PDE8B: variants seen among roughly 807,000 people sequenced by gnomAD.
PDE8B encodes high affinity cAMP-specific and IBMX-insensitive 3',5'-cyclic phosphodiesterase 8B.
Under a neutral mutation model 101.3 loss-of-function variants are expected in PDE8B, and 26 were observed. That is an observed-to-expected ratio of 0.26 (90% CI 0.19 to 0.36). The LOEUF is 0.36. Ranked by LOEUF, PDE8B falls within the 10% of genes least tolerant of loss-of-function variation. The pLI is 1.00. For missense variants in PDE8B, 810 were observed against 1,163.1 expected, an observed-to-expected ratio of 0.70 and a Z score of 4.42; for synonymous variants, 424 against 429.3, an observed-to-expected ratio of 0.99 and a Z score of 0.15.
In PDE8B at chr5:77,426,704, A is replaced by T; in HGVS notation, c.*150A>T. 3.0e-6 allele frequency: 2 copies of T among 671,144 alleles called. No individual in the cohort carries two copies. Among genetic ancestry groups the T allele is most frequent in the South Asian group, 3.3e-5 (2 of 60,280 alleles). 41.6% of individuals were successfully genotyped at this position (671,144 alleles called of 1,614,324 possible). A position where few individuals can be genotyped will look rare whatever the true frequency, so the allele number is the denominator to read the frequency against. On this transcript the variant is annotated 3_prime_UTR_variant, in exon 22 of 22. Transcript: ENST00000264917. ...TGACCTTGAATCATTCAAGTCCCCA[A>T]ATTTCATTCTTAGAAAGTTATGTTC...
chr5:77,379,476 C>G (rs763194985), intron 10 of PDE8B, among the ~76,000 whole-genome samples: 2 of 152,132 alleles, frequency 1.3e-5, no homozygotes, highest in Non-Finnish European at 2.9e-5. Context: ...GTCTGTTAGA[C>G]TCATAAAATG....
intron 6 of PDE8B, among the ~76,000 whole-genome samples, chr5:77,343,559 T>C (rs188565210): frequency 6.6e-6 from 1 of 152,306 alleles, no homozygotes; most frequent in East Asian, 1.9e-4. Flanking sequence ...CTTGCAGGAC[T>C]GGGAGTTGCT....
chr5:77,168,626 T>C, the PDE8B span, among the ~76,000 whole-genome samples: 1 of 152,230 alleles, frequency 6.6e-6, no homozygotes, highest in African/African-American at 2.4e-5. Context: ...CCTTTAGGGA[T>C]GTGCCTGTGA....
At chr5:77,296,645 C>T (rs967534451) in intron 1 of PDE8B, among the ~76,000 whole-genome samples, 4 of 152,098 alleles carry the variant, frequency 2.6e-5, no homozygotes, top group Non-Finnish European at 4.4e-5. Context: ...AATTTTTAAA[C>T]GTGTTGAATT....
At chr5:77,188,279 T>C in the PDE8B span, among the ~76,000 whole-genome samples, 4 of 152,194 alleles carry the variant, frequency 2.6e-5, no homozygotes, top group Non-Finnish European at 4.4e-5. Flanking sequence ...AGATGAATAA[T>C]ATTGATAAAG....
the PDE8B span, among the ~76,000 whole-genome samples, chr5:77,108,713 A>T: frequency 2.6e-5 from 4 of 152,230 alleles, no homozygotes; most frequent in Non-Finnish European, 5.9e-5. Flanking sequence ...TGCAATGAAA[A>T]AAATATCAAT....
At chr5:77,225,946 A>G (rs1274291861) in intron 1 of PDE8B, among the ~76,000 whole-genome samples, 1 of 98,738 alleles carries the variant, frequency 1.0e-5, no homozygotes, top group Non-Finnish European at 2.1e-5. Context: ...AACACTGAAA[A>G]CAGTTTGATT....
At chr5:77,150,831 A>C in the PDE8B span, among the ~76,000 whole-genome samples, 1 of 152,178 alleles carries the variant, frequency 6.6e-6, no homozygotes, top group Non-Finnish European at 1.5e-5. Flanking sequence ...TTCAAATAAG[A>C]AAACTGAGAC....
At chr5:77,207,244 A>T (rs1182472652), upstream of PDE8B, among the ~76,000 whole-genome samples, 1 of 152,246 alleles carries the variant, frequency 6.6e-6, no homozygotes, top group African/African-American at 2.4e-5. Flanking sequence ...CTTTACAGCT[A>T]AGAATCATTC....
chr5:77,207,444 TTTG>T (rs1747591536), upstream of PDE8B, among the ~76,000 whole-genome samples: 1 of 152,256 alleles, frequency 6.6e-6, no homozygotes, highest in South Asian at 2.1e-4. Context: ...TATTGGAGGT[TTTG>T]TTTTACAATA....
At chr5:77,291,735 A>G in intron 1 of PDE8B, 1 of 1,590,776 alleles carries the variant, frequency 6.3e-7, no homozygotes, top group East Asian at 2.2e-5. Context: ...ACAGTACATG[A>G]GAAGGTCTAC....
chr5:77,105,741 A>G, the PDE8B span: 1 of 152,230 alleles, frequency 6.6e-6, no homozygotes, highest in African/African-American at 2.4e-5. Flanking sequence ...TTCCAAAGTA[A>G]TAGTAACATT....
the PDE8B span, among the ~76,000 whole-genome samples, chr5:77,197,395 G>C: frequency 9.9e-5 from 15 of 152,012 alleles, no homozygotes; most frequent in Admixed American, 9.2e-4. Context: ...GGGAGTACAG[G>C]TGTGAGCCAC....
intron 10 of PDE8B, among the ~76,000 whole-genome samples, chr5:77,399,408 T>C (rs73764858): frequency 0.032 from 4,903 of 152,326 alleles, 266 homozygotes; most frequent in African/African-American, 0.11. Flanking sequence ...TCTGCAGATG[T>C]CCTACACACT....
chr5:77,146,363 T>G, the PDE8B span: 912 of 148,800 alleles, frequency 6.1e-3, 8 homozygotes, highest in South Asian at 0.024. Flanking sequence ...TTGTGGGATC[T>G]CGCCATGAGT....
At chr5:77,111,268 C>A in the PDE8B span, among the ~76,000 whole-genome samples, 3 of 152,194 alleles carry the variant, frequency 2.0e-5, no homozygotes, top group East Asian at 5.8e-4. Context: ...GGGGATTATT[C>A]ACAAATTGAG....
At chr5:77,274,184 G>A (rs984470440) in intron 1 of PDE8B, among the ~76,000 whole-genome samples, 1 of 152,124 alleles carries the variant, frequency 6.6e-6, no homozygotes, top group African/African-American at 2.4e-5. Context: ...TTTAATGAAT[G>A]CAAATGTTTA....
intron 20 of PDE8B, 57 bp from the exon 21 acceptor site, chr5:77,425,710 T>A: frequency 6.4e-7 from 1 of 1,568,226 alleles, no homozygotes; most frequent in South Asian, 1.1e-5. Flanking sequence ...AAACAGGATA[T>A]TACTGTGAAA....
chr5:77,320,056 A>C (rs952517378), intron 2 of PDE8B, among the ~76,000 whole-genome samples: 1 of 152,212 alleles, frequency 6.6e-6, no homozygotes, highest in Non-Finnish European at 1.5e-5. Flanking sequence ...AATTTTCAGT[A>C]TGTTGACACA....
Sources: gnomAD v4.1 joint callset for allele counts (sites outside exome capture counted in the v4.1 genomes callset) on GRCh38, gnomAD v4.1.1 for gene constraint, MANE v1.5 for transcripts, NCBI Gene and HGNC (gene_info 2026-07-23, HGNC 2026-07-21) for gene names.